The following MTMR8 variants were observed in gnomAD, a reference collection of about 807,000 sequenced individuals.
The protein encoded by MTMR8 is phosphatidylinositol-3,5-bisphosphate 3-phosphatase MTMR8.
MTMR8 carries 65 observed loss-of-function variants against 39.3 expected under a neutral mutation model. The ratio of observed to expected loss-of-function variants is 1.65; its 90% CI spans 1.35 to 2.03. The LOEUF is 2.03. Among genes scored for constraint, MTMR8 ranks in the 30% most tolerant of loss-of-function variants. MTMR8 has a pLI of 0.00. For missense variants in MTMR8, 777 were observed against 538.9 expected, an observed-to-expected ratio of 1.44 and a Z score of -4.37; for synonymous variants, 245 against 185.2, an observed-to-expected ratio of 1.32 and a Z score of -2.62.
rs186699908 is a variant in MTMR8, at chrX:64,302,285, C to T, written c.1481+26487G>A. Among the ~76,000 whole-genome samples, 24 of 112,632 alleles carry T rather than the reference C, an allele frequency of 2.1e-4. 1 individual carries two copies. Among genetic ancestry groups the T allele is most frequent in the Admixed American group, 1.3e-3 (14 of 10,714 alleles). ...GTCTCATGGTGCGCCGTTTTTTAAG[C>T]CGGTCTGAAAAGCGCAATATTCGGG... On this transcript the variant is annotated intron_variant, in intron 12 of 13. Transcript: ENST00000374852.
At chrX:64,393,928 G>A (rs1347929249) in intron 1 of MTMR8, among the ~76,000 whole-genome samples, 1 of 112,373 alleles carries the variant, frequency 8.9e-6, no homozygotes, top group East Asian at 2.8e-4. Flanking sequence ...TGTGAAGTGA[G>A]CCGGGCAAAT....
At chrX:64,350,321 C>A (rs183350974) in intron 4 of MTMR8, among the ~76,000 whole-genome samples, 172 of 110,019 alleles carry the variant, frequency 1.6e-3, no homozygotes, top group Non-Finnish European at 2.7e-3. Context: ...CATATTTCCT[C>A]CTCCTCTACC....
rs1209023484 is a variant in MTMR8, at chrX:64,354,927, A to C, written c.318T>G (p.Pro106=). 1 of 1,190,583 alleles carries C rather than the reference A, an allele frequency of 8.4e-7. No homozygotes were observed. Among genetic ancestry groups the C allele is most frequent in the Non-Finnish European group, 1.1e-6 (1 of 886,027 alleles). Residue 106 remains proline (P), a synonymous_variant, in exon 4 of 14, where the codon CCT becomes CCG. Coordinates refer to ENST00000374852, the MANE Select transcript of MTMR8 (RefSeq NM_017677.4). ...TATAAGAAAAAGCATAAAGATCTTC[A>C]GGTAATGCTGGAGAAGAGAGATAGG... ...SLLKLSQPAL[P]EDLYAFSYNP...
intron 1 of MTMR8, among the ~76,000 whole-genome samples, chrX:64,365,540 C>T (rs139829452): frequency 0.083 from 9,289 of 111,559 alleles, 1,021 homozygotes; most frequent in African/African-American, 0.29. Flanking sequence ...AAATAAAATC[C>T]TTTACAGACA....
chrX:64,336,086 A>G lies in MTMR8; in HGVS notation c.1144T>C (p.Ser382Pro). ...KEWISMGHKF[S>P]QRCGHLDGDS... Reference sequence around the variant, plus strand: ...AAATGAGTATATTTTTACCTTTGGGAAAACTTGTGGCCCATGGATATCCAT... The same window carrying G: ...AAATGAGTATATTTTTACCTTTGGGGAAACTTGTGGCCCATGGATATCCAT... Residue 382 changes from serine (S) to proline (P), a missense_variant, in exon 10 of 14, where the codon TCC becomes CCC. By Grantham distance (74) the Ser-to-Pro change is moderately conservative. Transcript: ENST00000374852. 1 of 1,194,722 alleles carries G rather than the reference A, an allele frequency of 8.4e-7. No homozygotes were observed. Among genetic ancestry groups the G allele is most frequent in the Non-Finnish European group, 1.1e-6 (1 of 885,070 alleles).
At chrX:64,291,893 G>T (rs189255291) in intron 12 of MTMR8, among the ~76,000 whole-genome samples, 278 of 111,438 alleles carry the variant, frequency 2.5e-3, no homozygotes, top group African/African-American at 8.1e-3. Context: ...TGAGAGAGAG[G>T]CACCAAGCTG....
chrX:64,375,047 CAA>C (rs34716248), intron 1 of MTMR8, among the ~76,000 whole-genome samples: 1,268 of 55,971 alleles, frequency 0.023, 19 homozygotes, highest in African/African-American at 0.055. Context: ...TTGTTTTAAG[CAA>C]AAAAAAAAAA....
At chrX:64,303,648 T>C (rs943677590) in intron 12 of MTMR8, among the ~76,000 whole-genome samples, 3 of 112,523 alleles carry the variant, frequency 2.7e-5, no homozygotes, top group African/African-American at 9.7e-5. Context: ...TTACTGTACA[T>C]AACCTCAAAA....
intron 7 of MTMR8, among the ~76,000 whole-genome samples, chrX:64,343,997 A>C (rs1391065421): frequency 2.7e-5 from 3 of 110,539 alleles, no homozygotes; most frequent in Non-Finnish European, 3.8e-5. Context: ...CATCTACAGG[A>C]AAACACACCT....
intron 12 of MTMR8, among the ~76,000 whole-genome samples, chrX:64,298,264 G>C (rs923377319): frequency 9.6e-6 from 1 of 104,193 alleles, no homozygotes; most frequent in African/African-American, 3.6e-5. Context: ...TCCTTGAGCA[G>C]TGGTTTCTAG....
intron 12 of MTMR8, among the ~76,000 whole-genome samples, chrX:64,273,431 A>G (rs763087334): frequency 4.5e-5 from 5 of 110,404 alleles, no homozygotes; most frequent in Non-Finnish European, 9.5e-5. Flanking sequence ...AGAAGTTAAA[A>G]AAAAAAGAAA....
Position 64,305,918 on chromosome X carries a change from C to G in MTMR8, c.1481+22854G>C. On this transcript the variant is annotated intron_variant, in intron 12 of 13. Transcript: ENST00000374852. ...ATTCTTGAGTCCAGGAGTTAGAGAC[C>G]AGCCTAGGCAACATGGTGAGACCCT... 3 of 220,147 alleles carry G rather than the reference C, an allele frequency of 1.4e-5. No homozygotes were observed. In the South Asian group the frequency reaches 2.3e-4, roughly 17 times the overall value. 18.1% of individuals were successfully genotyped at this position (220,147 alleles called of 1,213,427 possible).
Position 64,268,653 on chromosome X carries a change from A to C in MTMR8, c.1999T>G (p.Ser667Ala). Reference sequence around the variant, plus strand: ...GCCTCAGAAATACCCAAGTTTCCAGAGATGCCAGTGGCCTCAGAGATGTCC... The same window carrying C: ...GCCTCAGAAATACCCAAGTTTCCAGCGATGCCAGTGGCCTCAGAGATGTCC... ...AMDISEATGI[S>A]GNLGISEARG... is the part of the protein sequence containing the mutation. Residue 667 changes from serine (S) to alanine (A), a missense_variant, in exon 14 of 14, where the codon TCT becomes GCT. Coordinates refer to ENST00000374852, the MANE Select transcript of MTMR8 (RefSeq NM_017677.4). The C allele has an allele frequency of 8.3e-7, 1 of 1,211,819 alleles. No homozygotes were observed. Among genetic ancestry groups the C allele is most frequent in the African/African-American group, 1.7e-5 (1 of 57,769 alleles).
At chrX:64,357,722 T>C (rs1387010313) in intron 2 of MTMR8, among the ~76,000 whole-genome samples, 1 of 112,164 alleles carries the variant, frequency 8.9e-6, no homozygotes, top group East Asian at 2.8e-4. Flanking sequence ...TTAAGTTCTA[T>C]CTTAACTGTT....
At chrX:64,309,461 CA>C (rs200696048) in intron 12 of MTMR8, among the ~76,000 whole-genome samples, 13 of 105,947 alleles carry the variant, frequency 1.2e-4, no homozygotes, top group Admixed American at 2.0e-4. Flanking sequence ...CTTGTAAATG[CA>C]AAAAAAAACA....
rs151250360 is a variant in MTMR8, at chrX:64,271,052, G to A, written c.1503C>T (p.Asn501=). The A allele has an allele frequency of 1.7e-6, 2 of 1,202,899 alleles. No individual in the cohort carries two copies. Among genetic ancestry groups the A allele is most frequent in the Non-Finnish European group, 2.2e-6 (2 of 892,546 alleles). Residue 501 remains asparagine (N), a synonymous_variant, in exon 13 of 14, where the codon AAC becomes AAT. Coordinates refer to ENST00000374852, the MANE Select transcript of MTMR8 (RefSeq NM_017677.4). ...TGGGCTGCAGCCCTTTGTCAAAGCGGTTATACATCCCACACCAGAACCTCA... is the reference window on the plus strand; with the variant it reads ...TGGGCTGCAGCCCTTTGTCAAAGCGATTATACATCCCACACCAGAACCTCA... ...YNIQFWCGMY[N]RFDKGLQPKQ...
intron 1 of MTMR8, among the ~76,000 whole-genome samples, chrX:64,381,687 G>A (rs1924429193): frequency 9.0e-6 from 1 of 111,171 alleles, no homozygotes; most frequent in Non-Finnish European, 1.9e-5. Flanking sequence ...CCATGCCTAT[G>A]TCCTGAATGG....
intron 12 of MTMR8, among the ~76,000 whole-genome samples, chrX:64,321,588 AT>A (rs769031281): frequency 8.9e-6 from 1 of 111,970 alleles, no homozygotes; most frequent in African/African-American, 3.2e-5. Context: ...CCTGTAGAAG[AT>A]TAGTAAGCAG....
intron 12 of MTMR8, among the ~76,000 whole-genome samples, chrX:64,296,372 G>C (rs1383938502): frequency 9.0e-6 from 1 of 110,975 alleles, no homozygotes; most frequent in Non-Finnish European, 1.9e-5. Flanking sequence ...GATGATGAAA[G>C]AGTTCTGGAA....
Sources: gnomAD v4.1 joint callset for allele counts (sites outside exome capture counted in the v4.1 genomes callset) on GRCh38, gnomAD v4.1.1 for gene constraint, MANE v1.5 for transcripts, NCBI Gene and HGNC (gene_info 2026-07-23, HGNC 2026-07-21) for gene names.